SEMA6D: variants seen among roughly 807,000 people sequenced by gnomAD.
SEMA6D encodes semaphorin-6D.
Under a neutral mutation model 106.6 loss-of-function variants are expected in SEMA6D, and 35 were observed. The ratio of observed to expected loss-of-function variants is 0.33; its 90% CI spans 0.25 to 0.44. SEMA6D has a LOEUF of 0.44. Among genes scored for constraint, SEMA6D ranks in the 20% least tolerant of loss-of-function variants. SEMA6D has a pLI of 1.00. For missense variants in SEMA6D, 1,185 were observed against 1,345.9 expected (o/e 0.88, Z 1.87); for synonymous variants, 499 against 487.7 (o/e 1.02, Z -0.31).
At chr15:47,726,085 T>G (rs181816398) in intron 1 of SEMA6D, among the ~76,000 whole-genome samples, 332 of 152,370 alleles carry the variant, frequency 2.2e-3, no homozygotes, top group African/African-American at 7.7e-3. Context: ...CCCACCCCGT[T>G]GCTTGTTGAA....
chr15:47,293,568 T>G (rs1405532646), intron 1 of SEMA6D, among the ~76,000 whole-genome samples: 1 of 152,166 alleles, frequency 6.6e-6, no homozygotes. Flanking sequence ...CCAAGCAGTT[T>G]TATTATGTGT....
At chr15:47,630,385 CTG>C (rs1407556527) in intron 4 of SEMA6D, among the ~76,000 whole-genome samples, 2 of 151,684 alleles carry the variant, frequency 1.3e-5, no homozygotes, top group African/African-American at 2.4e-5. Context: ...GATTATAATA[CTG>C]TGTTTTTATT....
chr15:47,391,659 A>ATTTTT lies in SEMA6D; in HGVS notation c.-238-20723_-238-20719dup, dbSNP rs36039887. 6.2e-5 allele frequency among the ~76,000 whole-genome samples: 9 copies of ATTTTT among 146,122 alleles called. No homozygotes were observed. The East Asian group carries it at 1.2e-3, about 20-fold the overall frequency. ...AATTTAGGGACAGAAACAACTATTG[A>ATTTTT]TTTTTTTTTTTTTTTGTAAGAGGAG... On this transcript the variant is annotated intron_variant, in intron 1 of 19. Coordinates refer to the SEMA6D transcript ENST00000558014.
chr15:47,231,811 A>C (rs946457653), intron 1 of SEMA6D, among the ~76,000 whole-genome samples: 2 of 151,998 alleles, frequency 1.3e-5, no homozygotes, highest in Admixed American at 6.6e-5. Context: ...GAAATTATAA[A>C]CTCCCTTTGA....
Position 47,407,368 on chromosome 15 carries a change from C to CAAAAAA in SEMA6D, c.-238-5011_-238-5006dup, listed in dbSNP as rs779136178. ...TGGCTGACAGAGCAAGACTCTATCT[C>CAAAAAA]AAAAAAAAAAAAAAAAAAACCAAAA... On this transcript the variant is annotated intron_variant, in intron 1 of 19. Coordinates refer to the SEMA6D transcript ENST00000558014. Among the ~76,000 whole-genome samples the CAAAAAA allele has an allele frequency of 1.1e-3, 54 of 47,860 alleles. 1 individual carries two copies. Among genetic ancestry groups the CAAAAAA allele is most frequent in the African/African-American group, 4.5e-3 (52 of 11,678 alleles). The allele number at this position is 47,860 out of a possible 152,430, so 31.4% of individuals were successfully genotyped here.
chr15:47,647,875 A>G (rs2077611823), intron 4 of SEMA6D, among the ~76,000 whole-genome samples: 1 of 152,192 alleles, frequency 6.6e-6, no homozygotes, highest in Admixed American at 6.5e-5. Context: ...CTAACTGTGA[A>G]GGAGAGACTT....
intron 6 of SEMA6D, 32 bp downstream of exon 6, chr15:47,761,463 G>C (rs2082057655): frequency 6.5e-7 from 1 of 1,538,062 alleles, no homozygotes; most frequent in Non-Finnish European, 8.9e-7. Context: ...TGCTTCTTTT[G>C]ATCAACTTTT....
intron 3 of SEMA6D, among the ~76,000 whole-genome samples, chr15:47,574,503 A>G (rs545671858): frequency 3.3e-5 from 5 of 152,280 alleles, no homozygotes; most frequent in South Asian, 2.1e-4. Context: ...AAGGGAAGCA[A>G]ATTTTCCCTT....
At position 47,556,489 on chromosome 15, in the gene SEMA6D, G is replaced by A. The variant is rs1596312659; in HGVS notation, c.-86-44376G>A. 3.3e-5 allele frequency among the ~76,000 whole-genome samples: 5 copies of A among 152,178 alleles called. No individual in the cohort carries two copies. The East Asian group carries it at 7.7e-4, about 23-fold the overall frequency. On this transcript the variant is annotated intron_variant, in intron 3 of 19. Coordinates refer to the SEMA6D transcript ENST00000558014. ...TTTGTTTAAGTTGATTACCTGTTATGTATGAGGTACTATGCTGGGCATTGT... is the reference window on the plus strand; with the variant it reads ...TTTGTTTAAGTTGATTACCTGTTATATATGAGGTACTATGCTGGGCATTGT...
intron 1 of SEMA6D, among the ~76,000 whole-genome samples, chr15:47,411,271 A>G (rs1305913440): frequency 6.6e-6 from 1 of 151,702 alleles, no homozygotes; most frequent in Admixed American, 6.6e-5. Context: ...AATTTTTTGT[A>G]TTTTTAGCAG....
At chr15:47,240,865 C>T (rs2032863290) in intron 1 of SEMA6D, among the ~76,000 whole-genome samples, 1 of 152,008 alleles carries the variant, frequency 6.6e-6, no homozygotes, top group Non-Finnish European at 1.5e-5. Flanking sequence ...CTTTGTAAAT[C>T]CTACTGATGA....
chr15:47,435,445 T>G (rs1332085977), intron 2 of SEMA6D, among the ~76,000 whole-genome samples: 2 of 152,050 alleles, frequency 1.3e-5, no homozygotes, highest in African/African-American at 4.8e-5. Flanking sequence ...TAATATACAC[T>G]CTCAAAGGCC....
intron 1 of SEMA6D, among the ~76,000 whole-genome samples, chr15:47,293,768 GTTA>G (rs1255797785): frequency 1.3e-5 from 2 of 152,154 alleles, no homozygotes; most frequent in Non-Finnish European, 2.9e-5. Flanking sequence ...CGTGTATGTA[GTTA>G]TTATAAACAA....
intron 1 of SEMA6D, among the ~76,000 whole-genome samples, chr15:47,249,249 T>C (rs62014023): frequency 0.019 from 2,820 of 151,758 alleles, 53 homozygotes; most frequent in African/African-American, 0.026. Context: ...AACAAACAAA[T>C]AAACAAACAA....
At chr15:47,554,019 A>G (rs1394790650) in intron 3 of SEMA6D, among the ~76,000 whole-genome samples, 8 of 152,190 alleles carry the variant, frequency 5.3e-5, no homozygotes, top group Non-Finnish European at 7.3e-5. Flanking sequence ...AAGGAAACCA[A>G]CTTTGTTGAA....
chr15:47,677,489 C>G (rs1017951303), intron 4 of SEMA6D, among the ~76,000 whole-genome samples: 12 of 152,158 alleles, frequency 7.9e-5, no homozygotes, highest in African/African-American at 2.9e-4. Context: ...AAGAATTAGC[C>G]TCCATCTCTT....
chr15:47,312,684 A>G lies in SEMA6D; in HGVS notation c.-238-99709A>G, dbSNP rs546853299. Among the ~76,000 whole-genome samples the G allele has an allele frequency of 2.0e-5, 3 of 152,338 alleles. No homozygotes were observed. The South Asian group carries it at 6.2e-4, about 32-fold the overall frequency. On this transcript the variant is annotated intron_variant, in intron 1 of 19. Transcript: ENST00000558014. ...CAATTTTAACTTCTCTAATATCTAT[A>G]TTAAAAAGATAAATTAAAACAGGAG... is the stretch of plus-strand genomic sequence containing the variant.
intron 3 of SEMA6D, among the ~76,000 whole-genome samples, chr15:47,494,186 C>CTGA (rs2043560890): frequency 6.6e-6 from 1 of 152,004 alleles, no homozygotes; most frequent in Non-Finnish European, 1.5e-5. Context: ...TTGGTGTCAC[C>CTGA]CTCTCTATTA....
intron 3 of SEMA6D, among the ~76,000 whole-genome samples, chr15:47,507,592 A>T (rs927817566): frequency 1.3e-5 from 2 of 152,164 alleles, no homozygotes; most frequent in African/African-American, 4.8e-5. Context: ...TGTTTGTTCA[A>T]CTCCAACTTG....
Sources: gnomAD v4.1 joint callset for allele counts (sites outside exome capture counted in the v4.1 genomes callset) on GRCh38, gnomAD v4.1.1 for gene constraint, MANE v1.5 for transcripts, NCBI Gene and HGNC (gene_info 2026-07-23, HGNC 2026-07-21) for gene names.